Variants in MYBPC3 observed in about 807,000 individuals in gnomAD.
The protein encoded by MYBPC3 is myosin-binding protein C, cardiac-type.
In MYBPC3, 108 loss-of-function variants were observed where a neutral mutation model predicts 159.3. The ratio of observed to expected loss-of-function variants is 0.68; its 90% CI spans 0.58 to 0.80. MYBPC3 has a LOEUF of 0.80. Ranked by LOEUF, MYBPC3 falls within the 30% of genes least tolerant of loss-of-function variation. The pLI, the probability that MYBPC3 is intolerant of heterozygous loss-of-function variation, is 0.00. For synonymous variants in MYBPC3, 730 were observed against 702.0 expected, an observed-to-expected ratio of 1.04 and a Z score of -0.63; for missense variants, 1,631 against 1,762.1, an observed-to-expected ratio of 0.93 and a Z score of 1.33.
intron 27 of MYBPC3, 86 bp from the exon 28 acceptor site, chr11:47,334,096 C>T: frequency 1.5e-6 from 2 of 1,305,124 alleles, no homozygotes; most frequent in Non-Finnish European, 2.1e-6. Context: ...AGACAAGGCC[C>T]AGAGAGCTGC....
In MYBPC3 at chr11:47,350,107, T is replaced by C. The variant is rs776154213; in HGVS notation, c.412A>G (p.Ser138Gly). ...GTAGGACCATTGAGAGCTGCTGAGC[T>C]TGACCCTGTGAGCAAAGGCTTTTTC... is the stretch of plus-strand genomic sequence containing the variant. Reference protein sequence around the residue: ...GESAPSPKGSSSAALNGPTPG... With the variant: ...GESAPSPKGSGSAALNGPTPG... The change falls in exon 4 of 35, where the codon AGC (serine) becomes GGC (glycine). Residue 138 changes from serine (S) to glycine (G), a missense_variant. Coordinates refer to ENST00000545968, the MANE Select transcript of MYBPC3 (RefSeq NM_000256.3). 13 of 1,554,242 alleles carry C rather than the reference T, an allele frequency of 8.4e-6. No individual in the cohort carries two copies. The Admixed American group carries it at 2.3e-4, about 28-fold the overall frequency.
chr11:47,333,678 G>A lies in MYBPC3; in HGVS notation c.3069C>T (p.Asn1023=). ...TGAACAGGATGGTGTCTGTGGGGCT[G>A]TTGCGGATGCTCACCTCCTCGCCTG... The part of the protein sequence containing the change: ...PLAGEEVSIR[N]SPTDTILFIR... Residue 1023 remains asparagine, a synonymous_variant, in exon 29 of 35, where the codon AAC becomes AAT. Coordinates refer to ENST00000545968, the MANE Select transcript of MYBPC3 (RefSeq NM_000256.3). The A allele has an allele frequency of 6.2e-7, 1 of 1,611,462 alleles. No homozygotes were observed. The highest frequency in any genetic ancestry group is 8.5e-7 in the Non-Finnish European group (1 of 1,179,728).
Position 47,342,813 on chromosome 11 carries a change from G to A in MYBPC3, c.1457+17C>T, listed in dbSNP as rs754641725. On this transcript the variant is annotated intron_variant, in intron 16 of 34. Coordinates refer to ENST00000545968, the MANE Select transcript of MYBPC3 (RefSeq NM_000256.3). ...CAGATGCCCCCAACACCCATGCCCC[G>A]TGCTTCTGGAACTCACCATTTGACT... 1.3e-5 allele frequency: 21 copies of A among 1,612,226 alleles called. No homozygotes were observed. In the South Asian group the frequency reaches 1.4e-4, roughly 11 times the overall value.
Position 47,335,988 on chromosome 11 carries a change from G to A in MYBPC3, c.2626C>T (p.Leu876=). The A allele has an allele frequency of 6.5e-7, 1 of 1,537,174 alleles. No homozygotes were observed. The highest frequency in any genetic ancestry group is 1.3e-5 in the South Asian group (1 of 79,314). ...GTGTCAGAGACGTCCTCTACTGCCA[G>A]GTGGGTGGGTTCGCTGGGGGGACCT... The part of the protein sequence containing the change: ...PIGPPSEPTH[L]AVEDVSDTTV... Residue 876 remains leucine (L), a synonymous_variant, in exon 26 of 35, where the codon CTG becomes TTG. Transcript: ENST00000545968.
Position 47,349,824 on chromosome 11 carries a change from T to G in MYBPC3, c.604A>C (p.Lys202Gln), listed in dbSNP as rs730880623. The change falls in exon 5 of 35, where the codon AAG becomes CAG. Residue 202 changes from lysine to glutamine, a missense_variant. By Grantham distance (53) the Lys-to-Gln change is moderately conservative. Transcript: ENST00000545968. ...FKGKWVDLSS[K>Q]VGQHLQLHDS... The stretch of plus-strand genomic sequence containing the variant: ...TGCAGCTGCAGGTGCTGGCCCACCT[T>G]GCTGCTCAGGTCCACCCATTTGCCC... 83 of 1,611,404 alleles carry G rather than the reference T, an allele frequency of 5.2e-5. No homozygotes were observed. The highest frequency in any genetic ancestry group is 7.0e-5 in the Non-Finnish European group (82 of 1,179,738).
At chr11:47,336,474 A>G (rs2142854202) in intron 25 of MYBPC3, 1 of 143,024 alleles carries the variant, frequency 7.0e-6, no homozygotes, top group South Asian at 2.3e-4. Flanking sequence ...TGGGTGACAG[A>G]GCGAGACTCC....
At chr11:47,335,262 C>G in intron 26 of MYBPC3, 53 bp from the exon 27 acceptor site, 3 of 1,378,808 alleles carry the variant, frequency 2.2e-6, no homozygotes, top group Non-Finnish European at 2.0e-6. Flanking sequence ...CACTGACACC[C>G]CACTCCCACT....
rs932301635 is a variant in MYBPC3 at position 47,332,514 on chromosome 11, C to T, written c.3627+52G>A. On this transcript the variant is annotated intron_variant, in intron 32 of 34. Coordinates refer to ENST00000545968, the MANE Select transcript of MYBPC3 (RefSeq NM_000256.3). The surrounding 1 kb of genome is among the most constrained non-coding windows in gnomAD (Gnocchi z 4.2). ...GGGAGAGGACTGCTCAACGTCGGGG[C>T]CTGTGAGCCCTGCCTCCTGGTCGGC... 1 of 1,577,684 alleles carries T rather than the reference C, an allele frequency of 6.3e-7. No individual in the cohort carries two copies. Among genetic ancestry groups the T allele is most frequent in the South Asian group, 1.2e-5 (1 of 86,616 alleles).
rs58411933 is a variant in MYBPC3 at position 47,348,908 on chromosome 11, T to TTATATATATATATATATATGTA, written c.655-368_655-367insTACATATATATATATATATATA. ...CGACAGAGCGAGACCCTGTCTCAAA[T>TTATATATATATATATATATGTA]TATATATATATATATATATTTAAAG... is the stretch of plus-strand genomic sequence containing the variant. On this transcript the variant is annotated intron_variant, in intron 5 of 34. Coordinates refer to ENST00000545968, the MANE Select transcript of MYBPC3 (RefSeq NM_000256.3). 3.8e-3 allele frequency among the ~76,000 whole-genome samples: 151 copies of TTATATATATATATATATATGTA among 39,884 alleles called. 29 individuals carry two copies. The highest frequency in any genetic ancestry group is 1.4e-3 in the Non-Finnish European group (27 of 18,632). The allele number at this position is 39,884 out of a possible 152,430, so 26.2% of individuals were successfully genotyped here.
intron 24 of MYBPC3, 42 bp from the exon 25 acceptor site, chr11:47,337,621 A>G: frequency 1.2e-6 from 2 of 1,612,936 alleles, no homozygotes. Context: ...GAACCCAGGC[A>G]TCCCCACACC....
chr11:47,337,815 C>T lies in MYBPC3; in HGVS notation c.2309-21G>A, dbSNP rs727505287. ...CACGTCTGGATGGGGTGGGATGGAC[C>T]CACATCAGCCCTGCCCCGCTCAGGG... On this transcript the variant is annotated intron_variant, in intron 23 of 34. Transcript: ENST00000545968. The T allele has an allele frequency of 1.3e-6, 2 of 1,544,876 alleles. No homozygotes were observed. The highest frequency in any genetic ancestry group is 2.4e-5 in the South Asian group (2 of 83,936).
chr11:47,341,288 C>A (rs1156261309), intron 18 of MYBPC3, 44 bp from the exon 19 acceptor site: 5 of 1,470,044 alleles, frequency 3.4e-6, no homozygotes, highest in Admixed American at 2.0e-5. Flanking sequence ...GGGCCACACA[C>A]CCCTGGCCTT....
Position 47,346,742 on chromosome 11 carries a change from T to C in MYBPC3, c.909-98A>G. 6 of 1,322,332 alleles carry C rather than the reference T, an allele frequency of 4.5e-6. No homozygotes were observed. The highest frequency in any genetic ancestry group is 4.1e-6 in the Non-Finnish European group (4 of 971,054). 81.9% of individuals were successfully genotyped at this position (1,322,332 alleles called of 1,614,324 possible). A position where few individuals can be genotyped will look rare whatever the true frequency, so the allele number is the denominator to read the frequency against. ...TGGACCCCACCCATGGGCCTTTACTTCCTCCCTATTTTCCGCACTTGCACT... is the reference window on the plus strand; with the variant it reads ...TGGACCCCACCCATGGGCCTTTACTCCCTCCCTATTTTCCGCACTTGCACT... On this transcript the variant is annotated intron_variant, in intron 10 of 34. Transcript: ENST00000545968. The surrounding 1 kb of genome is among the most constrained non-coding windows in gnomAD (Gnocchi z 5.3).
rs727503214 is a variant in MYBPC3 at position 47,348,438 on chromosome 11, T to C, written c.758A>G (p.Asn253Ser). 5.0e-6 allele frequency: 8 copies of C among 1,611,650 alleles called. No homozygotes were observed. Among genetic ancestry groups the C allele is most frequent in the Non-Finnish European group, 5.9e-6 (7 of 1,178,568 alleles). ...GGCCCCCTCACCGTGGACAGTGAGATTGAAGTTGGAGCAGTCAAATTTGTC... is the reference window on the plus strand; with the variant it reads ...GGCCCCCTCACCGTGGACAGTGAGACTGAAGTTGGAGCAGTCAAATTTGTC... ...TKDKFDCSNF[N>S]LTVHEAMGTG... The change falls in exon 6 of 35, where the codon AAT (asparagine) becomes AGT (serine). Residue 253 changes from asparagine to serine, a missense_variant. Transcript: ENST00000545968.
intron 21 of MYBPC3, 90 bp downstream of exon 21, chr11:47,339,561 T>C: frequency 1.3e-6 from 2 of 1,483,214 alleles, no homozygotes; most frequent in African/African-American, 1.4e-5. Flanking sequence ...GGCGTGCACA[T>C]GTGGGTGGGG....
chr11:47,341,540 G>A (rs2095888607), intron 18 of MYBPC3, among the ~76,000 whole-genome samples: 1 of 152,226 alleles, frequency 6.6e-6, no homozygotes, highest in African/African-American at 2.4e-5. Flanking sequence ...AGCACGGCCA[G>A]CCCAGTTGCT....
intron 24 of MYBPC3, 25 bp downstream of exon 24, chr11:47,337,665 C>T: frequency 6.3e-7 from 1 of 1,598,944 alleles, no homozygotes; most frequent in South Asian, 1.1e-5. Context: ...GCCCTCACAC[C>T]TCCATCCGGT....
Position 47,343,129 on chromosome 11 carries a change from T to G in MYBPC3, c.1243A>C (p.Ile415Leu), listed in dbSNP as rs1269517446. The change falls in exon 15 of 35, where the codon ATC (isoleucine) becomes CTC (leucine). Residue 415 changes from isoleucine (I) to leucine (L), a missense_variant. By Grantham distance (5) the Ile-to-Leu change is conservative (BLOSUM62 2). Coordinates refer to ENST00000545968, the MANE Select transcript of MYBPC3 (RefSeq NM_000256.3). The part of the protein sequence containing the change: ...MSGSKYIFES[I>L]GAKRTLTISQ... ...ATGGTCAGGGTACGCTTGGCACCGA[T>G]GGACTCAAAGATGTACCTGGGTGGG... 30 of 1,611,616 alleles carry G rather than the reference T, an allele frequency of 1.9e-5. No homozygotes were observed. The highest frequency in any genetic ancestry group is 2.4e-5 in the Non-Finnish European group (28 of 1,179,026).
At chr11:47,339,870 C>A in intron 20 of MYBPC3, 80 bp from the exon 21 acceptor site, 4 of 1,462,946 alleles carry the variant, frequency 2.7e-6, no homozygotes, top group Non-Finnish European at 3.7e-6. Context: ...TGCTCAAGAG[C>A]CTGGGCCCCT....
Sources: allele counts gnomAD v4.1 joint callset (sites outside exome capture counted in the v4.1 genomes callset), GRCh38; gene constraint gnomAD v4.1.1; non-coding constraint Gnocchi (gnomAD v3.1); transcripts MANE v1.5; gene names NCBI Gene and HGNC (gene_info 2026-07-23, HGNC 2026-07-21).